The following LRFN2 variants were observed in gnomAD, a reference collection of about 807,000 sequenced individuals.
LRFN2 encodes the protein leucine-rich repeat and fibronectin type-III domain-containing protein 2.
LRFN2 carries 18 observed loss-of-function variants against 37.3 expected under a neutral mutation model. That is an observed-to-expected ratio of 0.48 (90% CI 0.33 to 0.72). LRFN2 has a LOEUF of 0.72. Among genes scored for constraint, LRFN2 ranks in the 30% least tolerant of loss-of-function variants. LRFN2 has a pLI of 0.02. For synonymous variants in LRFN2, 556 were observed against 466.6 expected, an observed-to-expected ratio of 1.19 and a Z score of -2.47; for missense variants, 1,006 against 1,060.7, an observed-to-expected ratio of 0.95 and a Z score of 0.72.
intron 1 of LRFN2, among the ~76,000 whole-genome samples, chr6:40,508,889 G>T (rs1344754295): frequency 6.6e-6 from 1 of 152,156 alleles, no homozygotes; most frequent in South Asian, 2.1e-4. Context: ...TATGCCATGG[G>T]CCCTCTCTGG....
intron 1 of LRFN2, among the ~76,000 whole-genome samples, chr6:40,546,493 C>G (rs1766665709): frequency 1.3e-5 from 2 of 152,128 alleles, no homozygotes; most frequent in African/African-American, 4.8e-5. Context: ...AAACTACCTC[C>G]TGGCCAACAC....
chr6:40,405,583 G>A (rs1418229541), intron 2 of LRFN2, among the ~76,000 whole-genome samples: 1 of 152,166 alleles, frequency 6.6e-6, no homozygotes, highest in Middle Eastern at 3.2e-3. Flanking sequence ...CTCTCTGATG[G>A]TGGAAATCCA....
intron 1 of LRFN2, among the ~76,000 whole-genome samples, chr6:40,435,040 TATATATATATATAGAGAGAGAG>T (rs1480623489): frequency 1.3e-4 from 12 of 93,708 alleles, no homozygotes; most frequent in African/African-American, 3.3e-4. Context: ...TATATATATA[TATATATATATATAGAGAGAGAG>T]AGAGAGAGAG....
chr6:40,540,319 T>G (rs1766529411), intron 1 of LRFN2, among the ~76,000 whole-genome samples: 1 of 152,176 alleles, frequency 6.6e-6, no homozygotes, highest in African/African-American at 2.4e-5. Context: ...AGCCCGTCCC[T>G]CCTCTGGGGT....
intron 2 of LRFN2, among the ~76,000 whole-genome samples, chr6:40,411,724 C>T (rs1171661853): frequency 6.6e-6 from 1 of 152,032 alleles, no homozygotes; most frequent in Non-Finnish European, 1.5e-5. Flanking sequence ...TTCCTCAAAT[C>T]CCACCTTCTC....
intron 1 of LRFN2, among the ~76,000 whole-genome samples, chr6:40,440,093 C>T (rs767519422): frequency 3.3e-5 from 5 of 151,574 alleles, no homozygotes; most frequent in African/African-American, 4.9e-5. Context: ...TTCATAAACC[C>T]GATAAAAACA....
At chr6:40,498,090 G>C (rs181297559) in intron 1 of LRFN2, among the ~76,000 whole-genome samples, 9 of 152,260 alleles carry the variant, frequency 5.9e-5, no homozygotes, top group African/African-American at 2.2e-4. Flanking sequence ...CGGCTGTCTG[G>C]AGGCAACATT....
chr6:40,446,451 T>G (rs1488089723), intron 1 of LRFN2, among the ~76,000 whole-genome samples: 1 of 152,224 alleles, frequency 6.6e-6, no homozygotes, highest in Non-Finnish European at 1.5e-5. Context: ...TGTCTGATCA[T>G]TACAGGCTTT....
At chr6:40,499,389 T>A (rs927707696) in intron 1 of LRFN2, among the ~76,000 whole-genome samples, 8 of 126,058 alleles carry the variant, frequency 6.3e-5, no homozygotes, top group Non-Finnish European at 1.4e-4. Context: ...CTTCCAGACA[T>A]TTTTTTTTTT....
intron 1 of LRFN2, among the ~76,000 whole-genome samples, chr6:40,517,721 T>C (rs1765924814): frequency 6.6e-6 from 1 of 151,710 alleles, no homozygotes; most frequent in Admixed American, 6.6e-5. Context: ...ATTAGGGGGG[T>C]TAATTAGCAG....
At chr6:40,520,013 G>A (rs548343562) in intron 1 of LRFN2, among the ~76,000 whole-genome samples, 16 of 152,268 alleles carry the variant, frequency 1.1e-4, no homozygotes, top group Admixed American at 7.2e-4. Context: ...GGGACAATGT[G>A]GCATATATGG....
At chr6:40,556,716 G>GACACAC (rs35308131) in intron 1 of LRFN2, among the ~76,000 whole-genome samples, 1,549 of 120,930 alleles carry the variant, frequency 0.013, 15 homozygotes, top group South Asian at 0.017. Context: ...TACCTACATA[G>GACACAC]ACACACACAC....
Position 40,540,063 on chromosome 6 carries a change from C to A in LRFN2, c.-19+46878G>T, listed in dbSNP as rs184881519. 6.6e-5 allele frequency among the ~76,000 whole-genome samples: 10 copies of A among 152,188 alleles called. No individual in the cohort carries two copies. In the East Asian group the frequency reaches 1.9e-3, roughly 29 times the overall value. ...AGTCACAGCCCTGGCGCCGCACAGG[C>A]CATGGATGCAGTAGTTGAGAGAACA... On this transcript the variant is annotated intron_variant, in intron 1 of 2. Coordinates refer to ENST00000338305, the MANE Select transcript of LRFN2 (RefSeq NM_020737.3).
chr6:40,530,448 A>G lies in LRFN2; in HGVS notation c.-19+56493T>C, dbSNP rs867011708. ...GACAGAAAAGACATGGAAGAAAGCCATAACAGCAGCAGTGGTGGTGATTGT... is the reference window on the plus strand; with the variant it reads ...GACAGAAAAGACATGGAAGAAAGCCGTAACAGCAGCAGTGGTGGTGATTGT... On this transcript the variant is annotated intron_variant, in intron 1 of 2. Transcript: ENST00000338305. 1.6e-4 allele frequency among the ~76,000 whole-genome samples: 25 copies of G among 152,314 alleles called. No individual in the cohort carries two copies. The South Asian group carries it at 3.1e-3, about 19-fold the overall frequency.
chr6:40,424,207 C>G (rs191479585), intron 2 of LRFN2, among the ~76,000 whole-genome samples: 2 of 152,256 alleles, frequency 1.3e-5, no homozygotes, highest in African/African-American at 4.8e-5. Context: ...CTCACTGGCA[C>G]CCCTGTTTCC....
At chr6:40,572,596 G>A (rs1767208591) in intron 1 of LRFN2, among the ~76,000 whole-genome samples, 1 of 152,232 alleles carries the variant, frequency 6.6e-6, no homozygotes, top group Admixed American at 6.5e-5. Flanking sequence ...GGTTTTATGG[G>A]GCTTGGGGCC....
Position 40,431,842 on chromosome 6 carries a change from C to T in LRFN2, c.1272G>A (p.Arg424=). The change falls in exon 2 of 3, where the codon CGG becomes CGA. Residue 424 remains arginine, a synonymous_variant. Transcript: ENST00000338305. ...TGGTCACTTCAGACACAAGCACAGC[C>T]CGTTCCGGGGGGCTTTTGGGAGGCT... ...GGEPPKSPPE[R]AVLVSEVTTT... is the part of the protein sequence containing the mutation. 1.3e-6 allele frequency: 2 copies of T among 1,580,156 alleles called. No individual in the cohort carries two copies. The highest frequency in any genetic ancestry group is 1.7e-6 in the Non-Finnish European group (2 of 1,161,590).
chr6:40,570,417 T>C (rs949135272), intron 1 of LRFN2, among the ~76,000 whole-genome samples: 14 of 152,326 alleles, frequency 9.2e-5, no homozygotes, highest in African/African-American at 3.1e-4. Context: ...ATGAAGAAAC[T>C]GGGACACAGA....
At chr6:40,586,621 T>C (rs1030498003) in intron 1 of LRFN2, among the ~76,000 whole-genome samples, 9 of 152,210 alleles carry the variant, frequency 5.9e-5, no homozygotes, top group Admixed American at 1.3e-4. Context: ...TCCTGCTGTT[T>C]TCAACGGTTC....
Sources: allele counts gnomAD v4.1 joint callset (sites outside exome capture counted in the v4.1 genomes callset), GRCh38; gene constraint gnomAD v4.1.1; transcripts MANE v1.5; gene names NCBI Gene and HGNC (gene_info 2026-07-23, HGNC 2026-07-21).